BANP: variants seen among roughly 807,000 people sequenced by gnomAD.
The protein encoded by BANP is BTG3 associated nuclear protein, also known as protein BANP.
BANP carries 11 observed loss-of-function variants against 68.1 expected under a neutral mutation model. The ratio of observed to expected loss-of-function variants is 0.16; its 90% CI spans 0.10 to 0.27. The LOEUF (loss-of-function observed/expected upper bound fraction) is 0.27. Ranked by LOEUF, BANP falls within the 10% of genes least tolerant of loss-of-function variation. BANP has a pLI of 1.00. For missense variants in BANP, 504 were observed against 722.7 expected, an observed-to-expected ratio of 0.70 and a Z score of 3.47; for synonymous variants, 329 against 303.2, an observed-to-expected ratio of 1.09 and a Z score of -0.88.
intron 4 of BANP, among the ~76,000 whole-genome samples, chr16:87,997,308 A>G (rs933508994): frequency 9.9e-5 from 15 of 152,270 alleles, no homozygotes; most frequent in Non-Finnish European, 1.6e-4. Flanking sequence ...AAAAAACTCA[A>G]ACACTGAAAG....
intron 12 of BANP, 99 bp downstream of exon 12, chr16:88,065,431 C>T: frequency 1.6e-6 from 1 of 642,234 alleles, no homozygotes; most frequent in Non-Finnish European, 2.8e-6. Flanking sequence ...ACCTGGCCAT[C>T]CAGGGTCATC....
intron 5 of BANP, 93 bp from the exon 6 acceptor site, chr16:88,005,997 A>T (rs1042725988): frequency 2.0e-6 from 3 of 1,487,104 alleles, no homozygotes; most frequent in Admixed American, 3.4e-5. Flanking sequence ...TGGTCCACAC[A>T]GAGTTAGATT....
chr16:88,035,449 C>A, intron 10 of BANP, 55 bp downstream of exon 10: 2 of 1,489,376 alleles, frequency 1.3e-6, no homozygotes, highest in East Asian at 2.4e-5. Flanking sequence ...CCACATGCTC[C>A]CGACCTTCAT....
At chr16:88,058,648 G>T (rs1312600387) in intron 11 of BANP, among the ~76,000 whole-genome samples, 1 of 152,164 alleles carries the variant, frequency 6.6e-6, no homozygotes, top group East Asian at 1.9e-4. Context: ...CGCAGCCCCA[G>T]ATGAAACGTG....
At chr16:88,076,347 G>GGGGCGGGCCGGGGCCT (rs1303933925) in intron 13 of BANP, among the ~76,000 whole-genome samples, 2 of 100,408 alleles carry the variant, frequency 2.0e-5, no homozygotes, top group African/African-American at 6.5e-5. Context: ...GTCCATGTCG[G>GGGGCGGGCCGGGGCCT]GGGCGGGCCG....
chr16:88,064,671 G>A lies in BANP; in HGVS notation c.1312-596G>A, dbSNP rs954297179. On this transcript the variant is annotated intron_variant, in intron 11 of 13. Coordinates refer to ENST00000682872, the MANE Select transcript of BANP (RefSeq NM_001386991.1). The surrounding 1 kb of genome is among the most constrained non-coding windows in gnomAD (Gnocchi z 4.5). ...CCTTCCTCCCTTAAAAAACAACAAC[G>A]CTTTTGCCAGACACAAGAGGCTCCT... Among the ~76,000 whole-genome samples, 62 of 152,362 alleles carry A rather than the reference G, an allele frequency of 4.1e-4. No homozygotes were observed. The highest frequency in any genetic ancestry group is 1.1e-3 in the African/African-American group (45 of 41,602).
At chr16:88,040,433 G>A (rs72818535) in intron 11 of BANP, among the ~76,000 whole-genome samples, 28,331 of 151,910 alleles carry the variant, frequency 0.19, 3,276 homozygotes, top group South Asian at 0.28. Context: ...GCCCCGAGCA[G>A]TGCGGGGGTC....
At chr16:88,044,363 G>T (rs1485760248) in intron 11 of BANP, among the ~76,000 whole-genome samples, 1 of 152,264 alleles carries the variant, frequency 6.6e-6, no homozygotes, top group Non-Finnish European at 1.5e-5. Context: ...GCTTTCCACT[G>T]TGGTTCCAGA....
intron 5 of BANP, among the ~76,000 whole-genome samples, chr16:88,005,101 T>G (rs2070611847): frequency 6.6e-6 from 1 of 152,220 alleles, no homozygotes; most frequent in Non-Finnish European, 1.5e-5. Flanking sequence ...TTCGTCCCCT[T>G]TCTGTATTGT....
In BANP at chr16:88,069,833, A is replaced by T. The variant is rs142836226; in HGVS notation, c.1378-2236A>T. Among the ~76,000 whole-genome samples the T allele has an allele frequency of 5.1e-3, 770 of 152,176 alleles. 8 individuals carry two copies. Among genetic ancestry groups the T allele is most frequent in the African/African-American group, 0.017 (702 of 41,518 alleles). On this transcript the variant is annotated intron_variant, in intron 12 of 13. Transcript: ENST00000682872. ...ACACAGGTTTGAACTATGAGGATCCACTTATACGTGCATTTTTTTTTTCAG... is the reference window on the plus strand; with the variant it reads ...ACACAGGTTTGAACTATGAGGATCCTCTTATACGTGCATTTTTTTTTTCAG...
At chr16:88,035,535 AG>A (rs1230359195) in intron 10 of BANP, 141 bp downstream of exon 10, 2 of 743,574 alleles carry the variant, frequency 2.7e-6, no homozygotes, top group African/African-American at 1.8e-5. Flanking sequence ...CTCCGCTTCC[AG>A]GGTGCACATA....
Position 88,033,265 on chromosome 16 carries a change from C to G in BANP, c.1200+20C>G. ...CAAGTAGTACGTACCCTCTCCACCT[C>G]ACACCTTGGGAAAGGGGGCTGCGGG... On this transcript the variant is annotated intron_variant, in intron 9 of 13. Coordinates refer to ENST00000682872, the MANE Select transcript of BANP (RefSeq NM_001386991.1). 1 of 1,539,390 alleles carries G rather than the reference C, an allele frequency of 6.5e-7. No homozygotes were observed. The highest frequency in any genetic ancestry group is 8.8e-7 in the Non-Finnish European group (1 of 1,132,930).
intron 4 of BANP, among the ~76,000 whole-genome samples, chr16:88,001,750 G>T (rs4843294): frequency 0.2 from 29,807 of 151,798 alleles, 3,653 homozygotes; most frequent in South Asian, 0.38. Context: ...TTTGGCAGTC[G>T]AATGTTATGT....
chr16:87,951,165 A>G (rs1736135271), upstream of BANP, among the ~76,000 whole-genome samples: 1 of 152,336 alleles, frequency 6.6e-6, no homozygotes, highest in South Asian at 2.1e-4. Flanking sequence ...CTCAAAGAAG[A>G]TGCAAATTCC....
At chr16:88,006,063 G>A (rs2070996083) in intron 5 of BANP, 27 bp from the exon 6 acceptor site, 1 of 1,613,098 alleles carries the variant, frequency 6.2e-7, no homozygotes, top group African/African-American at 1.3e-5. Context: ...TACCACATCG[G>A]GCTGGTGTGT....
At chr16:88,012,520 G>A (rs145166534) in intron 6 of BANP, among the ~76,000 whole-genome samples, 126 of 152,244 alleles carry the variant, frequency 8.3e-4, no homozygotes, top group South Asian at 1.5e-3. Context: ...CCAGTGACTC[G>A]CAAAGGATGG....
intron 1 of BANP, among the ~76,000 whole-genome samples, chr16:87,954,034 C>T (rs750744520): frequency 7.9e-5 from 12 of 152,138 alleles, no homozygotes; most frequent in Non-Finnish European, 1.8e-4. Context: ...GGGACTCTGA[C>T]TCTGGTGCTT....
rs76359858 is a variant in BANP, at chr16:87,994,909, G to A, written c.363-9386G>A. 8.0e-3 allele frequency among the ~76,000 whole-genome samples: 1,218 copies of A among 152,348 alleles called. 13 individuals carry two copies. Among genetic ancestry groups the A allele is most frequent in the African/African-American group, 0.027 (1,120 of 41,576 alleles). ...GCAGTAGAGGGTCCCCTGGACTTGT[G>A]ATTAGCATGGTGGGAGGCTGCATCT... is the stretch of plus-strand genomic sequence containing the variant. On this transcript the variant is annotated intron_variant, in intron 4 of 13. Transcript: ENST00000682872.
intron 7 of BANP, among the ~76,000 whole-genome samples, chr16:88,025,031 C>G (rs1343451553): frequency 1.3e-5 from 2 of 152,088 alleles, no homozygotes; most frequent in African/African-American, 4.8e-5. Context: ...AATTTTTCTC[C>G]TGGAGTGTGA....
Sources: allele counts gnomAD v4.1 joint callset (sites outside exome capture counted in the v4.1 genomes callset), GRCh38; gene constraint gnomAD v4.1.1; non-coding constraint Gnocchi (gnomAD v3.1); transcripts MANE v1.5; gene names NCBI Gene and HGNC (gene_info 2026-07-23, HGNC 2026-07-21).